The following RNGTT variants were observed in gnomAD, a reference collection of about 807,000 sequenced individuals.
RNGTT encodes RNA guanylyltransferase and 5'-phosphatase.
RNGTT carries 33 observed loss-of-function variants against 79.3 expected under a neutral mutation model. That is an observed-to-expected ratio of 0.42 (90% CI 0.32 to 0.56). RNGTT has a LOEUF of 0.56. Among genes scored for constraint, RNGTT ranks in the 20% least tolerant of loss-of-function variants. RNGTT has a pLI of 0.17. For synonymous variants in RNGTT, 222 were observed against 235.9 expected (o/e 0.94, Z 0.54); for missense variants, 497 against 739.1 (o/e 0.67, Z 3.80).
chr6:88,869,166 AGT>A (rs1782276945), intron 8 of RNGTT, among the ~76,000 whole-genome samples: 1 of 152,308 alleles, frequency 6.6e-6, no homozygotes, highest in East Asian at 1.9e-4. Flanking sequence ...ACCGTATCTA[AGT>A]GCACCAAATG....
chr6:88,874,806 AT>A (rs1201492270), intron 8 of RNGTT, among the ~76,000 whole-genome samples: 5 of 152,116 alleles, frequency 3.3e-5, no homozygotes, highest in Admixed American at 2.0e-4. Context: ...TATCTTACTT[AT>A]TTCCTATATA....
chr6:88,868,283 T>C (rs543765196), intron 8 of RNGTT, among the ~76,000 whole-genome samples: 15 of 152,186 alleles, frequency 9.9e-5, no homozygotes, highest in African/African-American at 3.6e-4. Context: ...CTAAGAACAA[T>C]TCAAGGAGTG....
intron 2 of RNGTT, among the ~76,000 whole-genome samples, chr6:88,931,934 C>A (rs146030460): frequency 1.3e-5 from 2 of 151,996 alleles, no homozygotes; most frequent in African/African-American, 2.4e-5. Context: ...GTTTGAACAG[C>A]GTGAGATCTG....
intron 14 of RNGTT, among the ~76,000 whole-genome samples, chr6:88,656,180 T>A (rs530891949): frequency 6.6e-6 from 1 of 152,312 alleles, no homozygotes; most frequent in East Asian, 1.9e-4. Context: ...TATAAAGGTA[T>A]AATGAACTAT....
chr6:88,800,709 T>C (rs1436100963), intron 12 of RNGTT, among the ~76,000 whole-genome samples: 1 of 152,204 alleles, frequency 6.6e-6, no homozygotes, highest in Non-Finnish European at 1.5e-5. Context: ...GCTGCATCTG[T>C]GAAACTTCCT....
chr6:88,881,635 G>A (rs1287485805), intron 8 of RNGTT, among the ~76,000 whole-genome samples: 7 of 152,120 alleles, frequency 4.6e-5, no homozygotes, highest in Non-Finnish European at 4.4e-5. Context: ...CAGGCAGGCA[G>A]ACACTGACAG....
chr6:88,880,840 T>C (rs1782673843), intron 8 of RNGTT, among the ~76,000 whole-genome samples: 2 of 152,210 alleles, frequency 1.3e-5, no homozygotes, highest in Non-Finnish European at 2.9e-5. Flanking sequence ...TTGAATTATT[T>C]TGAAGACAAT....
intron 14 of RNGTT, among the ~76,000 whole-genome samples, chr6:88,663,908 A>G (rs1334028768): frequency 6.6e-6 from 1 of 152,220 alleles, no homozygotes; most frequent in Admixed American, 6.5e-5. Flanking sequence ...CATCCTATAC[A>G]GAAAAGCTGC....
chr6:88,870,581 A>C (rs1237505699), intron 8 of RNGTT, among the ~76,000 whole-genome samples: 1 of 152,050 alleles, frequency 6.6e-6, no homozygotes, highest in African/African-American at 2.4e-5. Flanking sequence ...CTGAGATTTC[A>C]ACTTAAGAAT....
chr6:88,758,085 T>G (rs1224313327), intron 13 of RNGTT, among the ~76,000 whole-genome samples: 1 of 152,210 alleles, frequency 6.6e-6, no homozygotes, highest in African/African-American at 2.4e-5. Flanking sequence ...AATTCAGTTA[T>G]CTCAGATTGT....
At chr6:88,651,751 C>CT (rs1773805563) in intron 14 of RNGTT, among the ~76,000 whole-genome samples, 5 of 131,670 alleles carry the variant, frequency 3.8e-5, no homozygotes, top group African/African-American at 1.7e-4. Flanking sequence ...CTTCTTGCCC[C>CT]CCCAAATTTT....
At chr6:88,666,039 A>G (rs935670059) in intron 14 of RNGTT, among the ~76,000 whole-genome samples, 3 of 152,162 alleles carry the variant, frequency 2.0e-5, no homozygotes, top group African/African-American at 7.2e-5. Context: ...GGCAGTTGAG[A>G]GAATTATTAG....
At chr6:88,644,628 G>A (rs1192952270) in intron 14 of RNGTT, among the ~76,000 whole-genome samples, 1 of 152,146 alleles carries the variant, frequency 6.6e-6, no homozygotes, top group African/African-American at 2.4e-5. Context: ...ACTGAATCCA[G>A]CAGCACATCA....
intron 11 of RNGTT, among the ~76,000 whole-genome samples, chr6:88,802,199 A>G (rs1277829995): frequency 6.6e-6 from 1 of 152,212 alleles, no homozygotes; most frequent in Non-Finnish European, 1.5e-5. Flanking sequence ...CAGCTCAAAC[A>G]TGGAGATTAT....
At chr6:88,887,419 CTACTGT>C (rs1782902581) in intron 8 of RNGTT, among the ~76,000 whole-genome samples, 1 of 152,118 alleles carries the variant, frequency 6.6e-6, no homozygotes, top group Admixed American at 6.5e-5. Flanking sequence ...CTCTTCCATG[CTACTGT>C]ACTTAAATCC....
chr6:88,946,888 C>T (rs1303513357), intron 1 of RNGTT, among the ~76,000 whole-genome samples: 41 of 134,568 alleles, frequency 3.0e-4, no homozygotes, highest in African/African-American at 1.0e-3. Context: ...GCGAGTGATC[C>T]GCCAACCTCG....
At chr6:88,767,606 A>C (rs1778502917) in intron 13 of RNGTT, among the ~76,000 whole-genome samples, 1 of 149,588 alleles carries the variant, frequency 6.7e-6, no homozygotes, top group Non-Finnish European at 1.5e-5. Context: ...AAGATTTAGT[A>C]ATGAAGCAGT....
chr6:88,855,900 G>A (rs1406437662), intron 8 of RNGTT, among the ~76,000 whole-genome samples: 2 of 152,238 alleles, frequency 1.3e-5, no homozygotes, highest in African/African-American at 4.8e-5. Flanking sequence ...TGTTTCAAAA[G>A]GAATTTAAAT....
chr6:88,917,719 T>G (rs1465016183), intron 4 of RNGTT, among the ~76,000 whole-genome samples: 1 of 152,024 alleles, frequency 6.6e-6, no homozygotes, highest in Admixed American at 6.6e-5. Flanking sequence ...AAACCTCATC[T>G]CTACTAAAAA....
Sources: allele counts gnomAD v4.1 joint callset (sites outside exome capture counted in the v4.1 genomes callset), GRCh38; gene constraint gnomAD v4.1.1; transcripts MANE v1.5; gene names NCBI Gene and HGNC (gene_info 2026-07-23, HGNC 2026-07-21).